The following SGCZ variants were observed in gnomAD, a reference collection of about 807,000 sequenced individuals.
SGCZ encodes zeta-sarcoglycan.
SGCZ carries 40 observed loss-of-function variants against 41.3 expected under a neutral mutation model. The observed-to-expected ratio is 0.97, with a 90% CI of 0.75 to 1.26. The LOEUF is 1.26. Among genes scored for constraint, SGCZ ranks in the 50% most tolerant of loss-of-function variants. The probability of loss-of-function intolerance (pLI) is 0.00; values close to 1 mark genes in which losing one functional copy is unlikely to be tolerated. For synonymous variants in SGCZ, 206 were observed against 137.5 expected (o/e 1.50, Z -3.49); for missense variants, 552 against 369.8 (o/e 1.49, Z -4.04).
chr8:14,424,792 C>T (rs1382282365), intron 2 of SGCZ, among the ~76,000 whole-genome samples: 1 of 152,106 alleles, frequency 6.6e-6, no homozygotes, highest in East Asian at 1.9e-4. Flanking sequence ...CAAATGTTTG[C>T]TAACTCTTCC....
At chr8:14,331,281 C>A (rs1332716067) in intron 2 of SGCZ, among the ~76,000 whole-genome samples, 1 of 151,892 alleles carries the variant, frequency 6.6e-6, no homozygotes, top group Non-Finnish European at 1.5e-5. Flanking sequence ...ATTTTTAAAT[C>A]TATGTTACAT....
chr8:15,165,669 G>T (rs1313314308), intron 1 of SGCZ, among the ~76,000 whole-genome samples: 1 of 152,204 alleles, frequency 6.6e-6, no homozygotes, highest in Non-Finnish European at 1.5e-5. Context: ...CACGCAAGGT[G>T]TATGAGAACA....
intron 1 of SGCZ, among the ~76,000 whole-genome samples, chr8:15,078,147 CTTTTTTTTTTT>C (rs34411963): frequency 2.2e-5 from 1 of 44,798 alleles, no homozygotes; most frequent in South Asian, 8.5e-4. Flanking sequence ...AGGAACTCTT[CTTTTTTTTTTT>C]TTTTTTTTTT....
intron 1 of SGCZ, among the ~76,000 whole-genome samples, chr8:14,828,482 A>C (rs76766507): frequency 0.029 from 4,417 of 152,364 alleles, 80 homozygotes; most frequent in Non-Finnish European, 0.041. Flanking sequence ...AGCTGCAGAC[A>C]AGTGCTGAGT....
intron 2 of SGCZ, among the ~76,000 whole-genome samples, chr8:14,348,194 G>A (rs899180394): frequency 6.6e-6 from 1 of 152,152 alleles, no homozygotes; most frequent in Middle Eastern, 3.4e-3. Context: ...AACAAGACAT[G>A]CAGACCTTTA....
chr8:14,242,974 A>G (rs1798944230), intron 3 of SGCZ, among the ~76,000 whole-genome samples: 3 of 152,196 alleles, frequency 2.0e-5, no homozygotes, highest in African/African-American at 7.2e-5. Context: ...CAAACACATA[A>G]AGCTTAAAGT....
At chr8:14,673,954 T>C (rs1255448397) in intron 1 of SGCZ, among the ~76,000 whole-genome samples, 2 of 152,168 alleles carry the variant, frequency 1.3e-5, no homozygotes, top group African/African-American at 2.4e-5. Context: ...AGAAAGGTAA[T>C]TGGCAGTAAA....
At chr8:15,181,086 T>C (rs1800161408) in intron 1 of SGCZ, among the ~76,000 whole-genome samples, 1 of 151,976 alleles carries the variant, frequency 6.6e-6, no homozygotes, top group African/African-American at 2.4e-5. Flanking sequence ...AAAAAGCCAT[T>C]AAAAGAAAAA....
chr8:14,769,793 TAAAA>T (rs565416806), intron 1 of SGCZ, among the ~76,000 whole-genome samples: 826 of 52,224 alleles, frequency 0.016, 37 homozygotes, highest in African/African-American at 0.093. Context: ...AAAACACCAT[TAAAA>T]AAAAAAAAAA....
rs553131848 is a variant in SGCZ at position 14,283,085 on chromosome 8, G to A, written c.336+41018C>T. Among the ~76,000 whole-genome samples, 14 of 151,840 alleles carry A rather than the reference G, an allele frequency of 9.2e-5. No individual in the cohort carries two copies. The East Asian group carries it at 1.8e-3, about 19-fold the overall frequency. ...AGGATGCTCTCGATCTCCTGACCTC[G>A]TGATCCGCCCGCCTCGGCCTTCCAA... On this transcript the variant is annotated intron_variant, in intron 3 of 7. Transcript: ENST00000382080.
At chr8:14,167,694 A>G (rs1030609560) in intron 4 of SGCZ, among the ~76,000 whole-genome samples, 2 of 152,210 alleles carry the variant, frequency 1.3e-5, no homozygotes, top group African/African-American at 4.8e-5. Flanking sequence ...AATGTTCTAT[A>G]TACATTCTTA....
intron 4 of SGCZ, among the ~76,000 whole-genome samples, chr8:14,207,278 T>G (rs926271033): frequency 6.6e-6 from 1 of 152,208 alleles, no homozygotes; most frequent in Non-Finnish European, 1.5e-5. Flanking sequence ...TTGATAAACT[T>G]TGCTGAGAAT....
At chr8:14,559,819 T>C (rs1804154235) in intron 1 of SGCZ, among the ~76,000 whole-genome samples, 1 of 152,084 alleles carries the variant, frequency 6.6e-6, no homozygotes, top group Admixed American at 6.6e-5. Context: ...TCTCAGAATG[T>C]AAAAAATCCT....
intron 2 of SGCZ, among the ~76,000 whole-genome samples, chr8:14,457,410 G>A (rs1327360665): frequency 1.3e-5 from 2 of 152,188 alleles, no homozygotes; most frequent in Admixed American, 6.5e-5. Context: ...AACAACACCC[G>A]CTACTTAGCA....
chr8:14,117,568 G>A (rs759062123), intron 5 of SGCZ, among the ~76,000 whole-genome samples: 11 of 151,558 alleles, frequency 7.3e-5, no homozygotes, highest in Non-Finnish European at 1.5e-4. Context: ...TGAAAAAAAA[G>A]CTGATGCCCT....
chr8:15,233,005 G>A (rs1008450932), intron 1 of SGCZ, among the ~76,000 whole-genome samples: 1 of 151,462 alleles, frequency 6.6e-6, no homozygotes, highest in Non-Finnish European at 1.5e-5. Flanking sequence ...TTCAAATTAA[G>A]GTTACCTGTT....
intron 1 of SGCZ, among the ~76,000 whole-genome samples, chr8:14,941,619 T>G (rs1261463173): frequency 1.3e-5 from 2 of 151,994 alleles, no homozygotes; most frequent in Non-Finnish European, 2.9e-5. Flanking sequence ...TTTCCTCCAA[T>G]GCTGGATGTT....
chr8:15,191,278 C>G (rs1800529264), intron 1 of SGCZ, among the ~76,000 whole-genome samples: 1 of 151,958 alleles, frequency 6.6e-6, no homozygotes, highest in Non-Finnish European at 1.5e-5. Flanking sequence ...ATGATCTAGT[C>G]TGTATTCAAC....
chr8:14,754,062 C>A (rs1040049724), intron 1 of SGCZ, among the ~76,000 whole-genome samples: 1 of 152,122 alleles, frequency 6.6e-6, no homozygotes, highest in Admixed American at 6.5e-5. Flanking sequence ...TTAATAAGCC[C>A]ATGTCAACAG....
Sources: allele counts gnomAD v4.1 joint callset (sites outside exome capture counted in the v4.1 genomes callset), GRCh38; gene constraint gnomAD v4.1.1; transcripts MANE v1.5; gene names NCBI Gene and HGNC (gene_info 2026-07-23, HGNC 2026-07-21).